PCDHA6: variants seen among roughly 807,000 people sequenced by gnomAD.
PCDHA6 encodes protocadherin alpha 6.
PCDHA6 carries 55 observed loss-of-function variants against 60.3 expected under a neutral mutation model. The observed-to-expected ratio is 0.91, with a 90% CI of 0.73 to 1.14. The LOEUF is 1.14. Ranked by LOEUF, PCDHA6 falls within the 50% of genes most tolerant of loss-of-function variation. PCDHA6 has a pLI of 0.00. For synonymous variants in PCDHA6, 652 were observed against 557.9 expected (o/e 1.17, Z -2.38); for missense variants, 1,327 against 1,256.5 (o/e 1.06, Z -0.85).
At chr5:140,981,630 A>G (rs1299640748) in intron 2 of PCDHA6, among the ~76,000 whole-genome samples, 1 of 152,110 alleles carries the variant, frequency 6.6e-6, no homozygotes, top group East Asian at 1.9e-4. Flanking sequence ...GTTTTCTTGG[A>G]CATTTTCTCT....
chr5:140,902,284 T>C (rs2069352303), intron 1 of PCDHA6, among the ~76,000 whole-genome samples: 2 of 149,984 alleles, frequency 1.3e-5, no homozygotes, highest in South Asian at 4.3e-4. Context: ...GCAATCCTCC[T>C]GCCTCAGCCT....
intron 1 of PCDHA6, chr5:140,858,828 A>G (rs546423783): frequency 8.8e-5 from 29 of 330,376 alleles, no homozygotes; most frequent in Middle Eastern, 1.8e-3. Flanking sequence ...TATTTGCATT[A>G]CCAAAAAATT....
At chr5:140,903,202 C>T (rs1322362050) in intron 1 of PCDHA6, among the ~76,000 whole-genome samples, 4 of 152,184 alleles carry the variant, frequency 2.6e-5, no homozygotes, top group Admixed American at 2.0e-4. Context: ...GTGTCCTTTT[C>T]ACCACATTCA....
chr5:140,924,701 C>A (rs2081959929), intron 1 of PCDHA6, among the ~76,000 whole-genome samples: 1 of 152,008 alleles, frequency 6.6e-6, no homozygotes, highest in African/African-American at 2.4e-5. Flanking sequence ...TCGAGACCAG[C>A]TTGTGCAACA....
intron 1 of PCDHA6, among the ~76,000 whole-genome samples, chr5:140,901,959 A>G (rs1163639408): frequency 6.6e-6 from 1 of 152,076 alleles, no homozygotes; most frequent in Admixed American, 6.6e-5. Flanking sequence ...ATTCGTGGCT[A>G]TCGTAAATGG....
At chr5:140,986,398 G>C (rs973049448) in intron 3 of PCDHA6, among the ~76,000 whole-genome samples, 1 of 152,174 alleles carries the variant, frequency 6.6e-6, no homozygotes, top group Non-Finnish European at 1.5e-5. Context: ...AGGGCCAGTC[G>C]CTCATGTTAC....
At chr5:140,839,065 GC>G (rs1320146572) in intron 1 of PCDHA6, among the ~76,000 whole-genome samples, 1 of 152,054 alleles carries the variant, frequency 6.6e-6, no homozygotes, top group African/African-American at 2.4e-5. Context: ...ATAGAGGTAT[GC>G]AAAGTCAAAA....
chr5:140,871,300 C>T (rs1562661811), intron 1 of PCDHA6: 4 of 1,613,916 alleles, frequency 2.5e-6, no homozygotes, highest in Non-Finnish European at 3.4e-6. Context: ...CGCGTGCGCG[C>T]CGGGGAAGCC....
chr5:140,876,860 T>C (rs2056650252), intron 1 of PCDHA6: 1 of 1,613,918 alleles, frequency 6.2e-7, no homozygotes, highest in African/African-American at 1.3e-5. Context: ...TACACAGTGT[T>C]CGTGAAGGAG....
chr5:140,876,190 C>A (rs782463342), intron 1 of PCDHA6: 1 of 1,613,936 alleles, frequency 6.2e-7, no homozygotes, highest in Non-Finnish European at 8.5e-7. Context: ...TGACAATGGT[C>A]CGGCGTTTGA....
intron 1 of PCDHA6, chr5:140,881,383 G>C: frequency 1.0e-6 from 1 of 984,330 alleles, no homozygotes; most frequent in Non-Finnish European, 1.2e-6. Flanking sequence ...AGCCGGCGGC[G>C]GTAAGTTAAA....
chr5:140,936,435 TTAAA>T (rs1554210994), intron 1 of PCDHA6, among the ~76,000 whole-genome samples: 2 of 152,222 alleles, frequency 1.3e-5, no homozygotes, highest in African/African-American at 4.8e-5. Flanking sequence ...TAATTTAAGC[TTAAA>T]TAACCACATC....
chr5:140,869,373 C>T (rs782224697), intron 1 of PCDHA6: 5 of 1,613,984 alleles, frequency 3.1e-6, no homozygotes, highest in African/African-American at 2.7e-5. Flanking sequence ...ATTCTCGGAT[C>T]GACCGCGAGG....
intron 1 of PCDHA6, among the ~76,000 whole-genome samples, chr5:140,831,556 T>C (rs1258339149): frequency 6.8e-6 from 1 of 147,678 alleles, no homozygotes; most frequent in Non-Finnish European, 1.5e-5. Context: ...AGAGATGGGG[T>C]TTCTCCATGT....
intron 3 of PCDHA6, among the ~76,000 whole-genome samples, chr5:141,004,676 G>C (rs1198896698): frequency 6.6e-6 from 1 of 152,168 alleles, no homozygotes; most frequent in Non-Finnish European, 1.5e-5. Context: ...AAGGACTGTG[G>C]AGTGGTGCTG....
At chr5:140,892,111 A>G (rs918433393) in intron 1 of PCDHA6, among the ~76,000 whole-genome samples, 3 of 152,206 alleles carry the variant, frequency 2.0e-5, no homozygotes, top group Admixed American at 2.0e-4. Context: ...CTTGGCATTT[A>G]TATCTGGAAC....
chr5:140,996,412 A>G (rs563756317), intron 3 of PCDHA6, among the ~76,000 whole-genome samples: 1 of 152,332 alleles, frequency 6.6e-6, no homozygotes, highest in Admixed American at 6.5e-5. Context: ...TGGGGCAGGC[A>G]GTGTGAAAAC....
At chr5:140,964,183 C>A (rs1422782402) in intron 1 of PCDHA6, among the ~76,000 whole-genome samples, 2 of 152,164 alleles carry the variant, frequency 1.3e-5, no homozygotes, top group Non-Finnish European at 2.9e-5. Context: ...CATTATAGTG[C>A]CAAATAGAGT....
chr5:140,870,552 G>A, intron 1 of PCDHA6: 2 of 1,614,042 alleles, frequency 1.2e-6, no homozygotes, highest in Non-Finnish European at 1.7e-6. Context: ...ACGCGGACGC[G>A]CAGGAGAACG....
Sources: allele counts gnomAD v4.1 joint callset (sites outside exome capture counted in the v4.1 genomes callset), GRCh38; gene constraint gnomAD v4.1.1; transcripts MANE v1.5; gene names NCBI Gene and HGNC (gene_info 2026-07-23, HGNC 2026-07-21).